The following SLC2A5 variants were observed in gnomAD, a reference collection of about 807,000 sequenced individuals.
The protein encoded by SLC2A5 is solute carrier family 2, facilitated glucose transporter member 5.
A neutral mutation model predicts 50.3 loss-of-function variants in SLC2A5; 56 were observed. The ratio of observed to expected loss-of-function variants is 1.11; its 90% CI spans 0.90 to 1.39. The LOEUF (loss-of-function observed/expected upper bound fraction) is 1.39. SLC2A5 is among the 40% of genes most tolerant of loss of function. The pLI, the probability that SLC2A5 is intolerant of heterozygous loss-of-function variation, is 0.00. For missense variants in SLC2A5, 566 were observed against 650.1 expected (o/e 0.87, Z 1.41); for synonymous variants, 269 against 281.9 (o/e 0.95, Z 0.46).
chr1:9,079,785 C>G (rs1187426918), intron 2 of SLC2A5, among the ~76,000 whole-genome samples: 1 of 152,214 alleles, frequency 6.6e-6, no homozygotes, highest in Non-Finnish European at 1.5e-5. Flanking sequence ...CCACGCCCAG[C>G]CGATATCCCT....
Position 9,052,602 on chromosome 1 carries a change from C to G in SLC2A5, c.293+4846G>C, listed in dbSNP as rs751511341. 6.6e-5 allele frequency among the ~76,000 whole-genome samples: 10 copies of G among 152,134 alleles called. 1 individual carries two copies. The highest frequency in any genetic ancestry group is 5.9e-4 in the Admixed American group (9 of 15,256). On this transcript the variant is annotated intron_variant, in intron 3 of 11. Coordinates refer to ENST00000377424, the MANE Select transcript of SLC2A5 (RefSeq NM_003039.3). ...CAGGTCTCATCATTTGTAACAAATA[C>G]AGCGCTCTGGTGAGAGATGTTGATA...
chr1:9,038,399 G>A (rs1641193375), intron 10 of SLC2A5, 32 bp downstream of exon 10: 4 of 1,546,472 alleles, frequency 2.6e-6, no homozygotes, highest in African/African-American at 1.4e-5. Flanking sequence ...AGGGGGGGTT[G>A]TGACACCCTG....
chr1:9,059,409 C>T (rs955865322), intron 1 of SLC2A5, among the ~76,000 whole-genome samples: 6 of 152,146 alleles, frequency 3.9e-5, no homozygotes, highest in African/African-American at 1.4e-4. Flanking sequence ...TCCCAAAGTA[C>T]TGGGATTACA....
chr1:9,079,153 T>A (rs1041235254), intron 2 of SLC2A5, among the ~76,000 whole-genome samples: 1 of 152,130 alleles, frequency 6.6e-6, no homozygotes. Flanking sequence ...TCCAAGTTTA[T>A]CTTCCTTCAG....
At chr1:9,053,497 A>T (rs56980347) in intron 3 of SLC2A5, among the ~76,000 whole-genome samples, 21,521 of 30,770 alleles carry the variant, frequency 0.7, 8,691 homozygotes, top group African/African-American at 0.87. Context: ...ATTTATATAT[A>T]ATATATATTA....
chr1:9,080,978 G>A (rs1219129918), intron 2 of SLC2A5, among the ~76,000 whole-genome samples: 5 of 152,084 alleles, frequency 3.3e-5, no homozygotes, highest in Admixed American at 2.6e-4. Flanking sequence ...GGTTGCTCAC[G>A]CCTGCAAACT....
chr1:9,092,195 C>T (rs1642467806), upstream of SLC2A5, among the ~76,000 whole-genome samples: 1 of 152,132 alleles, frequency 6.6e-6, no homozygotes, highest in African/African-American at 2.4e-5. Context: ...AACCAATCAC[C>T]CAATTCCCCA....
At chr1:9,057,050 G>T (rs1381452601) in intron 3 of SLC2A5, among the ~76,000 whole-genome samples, 1 of 152,168 alleles carries the variant, frequency 6.6e-6, no homozygotes, top group Non-Finnish European at 1.5e-5. Context: ...CCAGCACTCT[G>T]GGGGGCTGAG....
At chr1:9,080,839 C>G (rs1033536813) in intron 2 of SLC2A5, among the ~76,000 whole-genome samples, 1 of 152,204 alleles carries the variant, frequency 6.6e-6, no homozygotes, top group Admixed American at 6.5e-5. Flanking sequence ...CCTTTAATCC[C>G]TCTCGCCTGG....
intron 2 of SLC2A5, among the ~76,000 whole-genome samples, chr1:9,080,386 C>T (rs925891837): frequency 2.0e-5 from 3 of 152,084 alleles, no homozygotes; most frequent in East Asian, 1.9e-4. Context: ...TAGGAATTAC[C>T]GTTCTGTTTT....
At chr1:9,049,267 A>G in intron 3 of SLC2A5, 1 of 442,070 alleles carries the variant, frequency 2.3e-6, no homozygotes, top group Non-Finnish European at 4.5e-6. Context: ...TACTAACAGC[A>G]CACCTTCAGA....
intron 9 of SLC2A5, 88 bp from the exon 10 acceptor site, chr1:9,038,594 G>A: frequency 7.8e-7 from 1 of 1,288,036 alleles, no homozygotes; most frequent in Non-Finnish European, 1.1e-6. Context: ...GTGGGTGGAG[G>A]ATGGCACCTG....
intron 7 of SLC2A5, 22 bp downstream of exon 7, chr1:9,039,778 C>T (rs1373140647): frequency 1.8e-5 from 27 of 1,496,004 alleles, no homozygotes; most frequent in Middle Eastern, 1.8e-4. Context: ...CCCCAGCTCC[C>T]GAGCCGCAGC....
intron 3 of SLC2A5, among the ~76,000 whole-genome samples, chr1:9,049,687 C>T (rs1050525773): frequency 2.9e-5 from 4 of 138,278 alleles, no homozygotes; most frequent in Non-Finnish European, 4.6e-5. Context: ...GGTGACACAG[C>T]GAGACTCTGT....
intron 1 of SLC2A5, 72 bp from the exon 2 acceptor site, chr1:9,058,322 G>A (rs917183728): frequency 8.6e-5 from 85 of 988,658 alleles, no homozygotes; most frequent in Middle Eastern, 8.2e-4. Flanking sequence ...CTTCGGTTTC[G>A]TAGAAAGATG....
intron 2 of SLC2A5, among the ~76,000 whole-genome samples, chr1:9,077,305 G>A (rs959375823): frequency 6.6e-5 from 10 of 151,272 alleles, no homozygotes; most frequent in African/African-American, 2.2e-4. Flanking sequence ...AGGCTAGAGT[G>A]GAAGGATTGC....
At chr1:9,082,047 A>G (rs563110353) in intron 2 of SLC2A5, among the ~76,000 whole-genome samples, 94 of 152,256 alleles carry the variant, frequency 6.2e-4, no homozygotes, top group African/African-American at 2.1e-3. Context: ...GCACCACTGC[A>G]CCCCAGCCTG....
At chr1:9,054,319 C>A (rs1641699633) in intron 3 of SLC2A5, among the ~76,000 whole-genome samples, 1 of 152,080 alleles carries the variant, frequency 6.6e-6, no homozygotes, top group African/African-American at 2.4e-5. Context: ...TGTAAGAAGA[C>A]CTGAAGACAA....
At chr1:9,039,420 CAG>C (rs2124306059) in intron 8 of SLC2A5, 130 bp downstream of exon 8, 6 of 658,474 alleles carry the variant, frequency 9.1e-6, no homozygotes, top group East Asian at 3.2e-5. Flanking sequence ...ACCTCCCACA[CAG>C]AGTTTCTGTA....
Sources: gnomAD v4.1 joint callset for allele counts (sites outside exome capture counted in the v4.1 genomes callset) on GRCh38, gnomAD v4.1.1 for gene constraint, MANE v1.5 for transcripts, NCBI Gene and HGNC (gene_info 2026-07-23, HGNC 2026-07-21) for gene names.